GPHN: variants seen among roughly 807,000 people sequenced by gnomAD.
GPHN encodes the protein gephyrin.
Under a neutral mutation model 95.5 loss-of-function variants are expected in GPHN, and 17 were observed. The observed-to-expected ratio is 0.18, with a 90% CI of 0.12 to 0.27. The LOEUF (loss-of-function observed/expected upper bound fraction) is 0.27, where lower values mean the gene tolerates loss of function less well. Among genes scored for constraint, GPHN ranks in the 10% least tolerant of loss-of-function variants. The probability of loss-of-function intolerance (pLI) is 1.00; values close to 1 mark genes in which losing one functional copy is unlikely to be tolerated. For missense variants in GPHN, 660 were observed against 978.1 expected (o/e 0.67, Z 4.34); for synonymous variants, 320 against 322.5 (o/e 0.99, Z 0.08).
At chr14:67,703,924 C>A in the GPHN span, among the ~76,000 whole-genome samples, 1 of 152,158 alleles carries the variant, frequency 6.6e-6, no homozygotes, top group Non-Finnish European at 1.5e-5. Flanking sequence ...GTGTTCTTCC[C>A]ACCTCAGCAT....
At chr14:67,616,101 C>T in the GPHN span, 6 of 278,218 alleles carry the variant, frequency 2.2e-5, no homozygotes, top group African/African-American at 4.5e-5. Context: ...TGAATAAGTT[C>T]GAGTGCAGTT....
At chr14:66,774,965 G>A (rs1215228807) in intron 2 of GPHN, among the ~76,000 whole-genome samples, 2 of 152,030 alleles carry the variant, frequency 1.3e-5, no homozygotes, top group African/African-American at 4.8e-5. Flanking sequence ...TTTAAAACAT[G>A]CCTTTTCTCT....
At chr14:66,982,294 A>G (rs1301186444) in intron 9 of GPHN, among the ~76,000 whole-genome samples, 2 of 152,130 alleles carry the variant, frequency 1.3e-5, no homozygotes, top group Non-Finnish European at 2.9e-5. Context: ...TCAACATCAC[A>G]TATTAGTTTA....
At chr14:67,707,376 G>C in the GPHN span, among the ~76,000 whole-genome samples, 1 of 152,122 alleles carries the variant, frequency 6.6e-6, no homozygotes, top group African/African-American at 2.4e-5. Flanking sequence ...ATTATGGTAG[G>C]ACTTGTTTGC....
chr14:66,948,179 T>C (rs554795914), intron 8 of GPHN, among the ~76,000 whole-genome samples: 4 of 152,118 alleles, frequency 2.6e-5, no homozygotes, highest in Non-Finnish European at 5.9e-5. Flanking sequence ...AAAAGGCAAT[T>C]ACACGGGAAA....
intron 1 of GPHN, among the ~76,000 whole-genome samples, chr14:66,654,588 T>G (rs2153368216): frequency 6.6e-6 from 1 of 152,288 alleles, no homozygotes; most frequent in South Asian, 2.1e-4. Flanking sequence ...TGCAAAATGT[T>G]CTTGTTTCGT....
chr14:67,383,002 C>G, the GPHN span, among the ~76,000 whole-genome samples: 1 of 151,938 alleles, frequency 6.6e-6, no homozygotes. Flanking sequence ...GTTTTTTTAA[C>G]AGGATATCTA....
chr14:66,809,371 A>G (rs1384324666), intron 3 of GPHN, among the ~76,000 whole-genome samples: 4 of 152,104 alleles, frequency 2.6e-5, no homozygotes, highest in Admixed American at 2.6e-4. Context: ...TAATAATAAT[A>G]ATAATAATAA....
chr14:66,565,700 G>A (rs1427992557), intron 1 of GPHN, among the ~76,000 whole-genome samples: 1 of 152,092 alleles, frequency 6.6e-6, no homozygotes, highest in African/African-American at 2.4e-5. Context: ...GATTATTACT[G>A]TCCTAATCAC....
At chr14:67,393,250 A>AAGGGAAGGCAAAGGAG in the GPHN span, 1 of 1,604,474 alleles carries the variant, frequency 6.2e-7, no homozygotes, top group Non-Finnish European at 8.5e-7. Context: ...GACTACATGG[A>AAGGGAAGGCAAAGGAG]AGGGAAGGCA....
the GPHN span, among the ~76,000 whole-genome samples, chr14:67,590,410 G>A: frequency 3.9e-5 from 6 of 152,010 alleles, no homozygotes; most frequent in South Asian, 2.1e-4. Context: ...TCGCCACCAC[G>A]CCCAGTGGCA....
intron 1 of GPHN, among the ~76,000 whole-genome samples, chr14:66,679,833 C>T (rs987804291): frequency 1.3e-5 from 2 of 152,048 alleles, no homozygotes; most frequent in African/African-American, 4.8e-5. Flanking sequence ...TTTTCATCTA[C>T]TTTGAAGATC....
At chr14:67,507,408 C>G in the GPHN span, among the ~76,000 whole-genome samples, 2 of 151,872 alleles carry the variant, frequency 1.3e-5, no homozygotes, top group South Asian at 4.2e-4. Context: ...TTCTGGAGAC[C>G]CAAGTGGCAG....
the GPHN span, among the ~76,000 whole-genome samples, chr14:67,239,167 T>G: frequency 3.9e-5 from 6 of 152,078 alleles, no homozygotes; most frequent in Non-Finnish European, 8.8e-5. Context: ...GAGGCTTTTT[T>G]TGTGTGTGTG....
At chr14:67,272,689 C>T in the GPHN span, among the ~76,000 whole-genome samples, 12,266 of 152,160 alleles carry the variant, frequency 0.081, 1,172 homozygotes, top group African/African-American at 0.23. Context: ...GACAGAGTCT[C>T]GCGCTGTCTC....
At chr14:66,912,280 C>CCTTCTT (rs1297779861) in intron 5 of GPHN, among the ~76,000 whole-genome samples, 2 of 152,032 alleles carry the variant, frequency 1.3e-5, no homozygotes, top group African/African-American at 4.8e-5. Flanking sequence ...TCTTCCTTCT[C>CCTTCTT]TCTTTACCTC....
the GPHN span, chr14:67,559,768 C>A: frequency 1.1e-6 from 1 of 938,136 alleles, no homozygotes; most frequent in Non-Finnish European, 1.7e-6. Flanking sequence ...TTCCTGCCCC[C>A]TACTGTCTAG....
At chr14:66,638,637 C>T (rs1300933704) in intron 1 of GPHN, among the ~76,000 whole-genome samples, 1 of 151,876 alleles carries the variant, frequency 6.6e-6, no homozygotes, top group Admixed American at 6.6e-5. Context: ...GATCAGAGAC[C>T]CCATCTTTGT....
At chr14:66,634,233 T>G (rs1188531138) in intron 1 of GPHN, among the ~76,000 whole-genome samples, 9 of 152,126 alleles carry the variant, frequency 5.9e-5, no homozygotes, top group Admixed American at 4.6e-4. Context: ...AACTGTCACT[T>G]CTAATTTTAT....
Sources: gnomAD v4.1 joint callset for allele counts (sites outside exome capture counted in the v4.1 genomes callset) on GRCh38, gnomAD v4.1.1 for gene constraint, MANE v1.5 for transcripts, NCBI Gene and HGNC (gene_info 2026-07-23, HGNC 2026-07-21) for gene names.